Variants in GJA8 observed in about 807,000 individuals in gnomAD.
GJA8 encodes the protein gap junction protein alpha 8.
In GJA8, 13 loss-of-function variants were observed where a neutral mutation model predicts 15.3. That is an observed-to-expected ratio of 0.85 (90% confidence interval 0.55 to 1.35). The LOEUF is 1.35. GJA8 is among the 40% of genes most tolerant of loss of function. GJA8 has a pLI of 0.00. For synonymous variants in GJA8, 304 were observed against 238.7 expected (o/e 1.27, Z -2.52); for missense variants, 607 against 553.3 (o/e 1.10, Z -0.97).
intron 1 of GJA8, among the ~76,000 whole-genome samples, chr1:147,904,978 T>C (rs1287651789): frequency 2.0e-5 from 3 of 152,234 alleles, no homozygotes; most frequent in Non-Finnish European, 4.4e-5. Flanking sequence ...ACATGTATCA[T>C]GACACTCTTG....
In GJA8 at chr1:147,908,465, C is replaced by G. The variant is rs1553242715; in HGVS notation, c.510C>G (p.Tyr170Ter). Residue 170 changes from tyrosine (Y) to a stop codon, truncating the protein, a stop_gained, in exon 2 of 2, where the codon TAC becomes TAG. Transcript: ENST00000369235. LOFTEE classifies it high-confidence loss of function. Reference sequence around the variant, plus strand: ...AAGTGGGCTTCATCGTGGGCCACTACTTCCTGTACGGGTTCCGGATCCTGC... The same window carrying G: ...AAGTGGGCTTCATCGTGGGCCACTAGTTCCTGTACGGGTTCCGGATCCTGC... ...LFEVGFIVGH[Y>*]FLYGFRILPL... 6.2e-7 allele frequency: 1 copy of G among 1,614,238 alleles called. No homozygotes were observed. The highest frequency in any genetic ancestry group is 1.1e-5 in the South Asian group (1 of 91,086).
In GJA8 at chr1:147,908,457, G is replaced by T; in HGVS notation, c.502G>T (p.Gly168Cys). 2 of 1,614,166 alleles carry T rather than the reference G, an allele frequency of 1.2e-6. No homozygotes were observed. The highest frequency in any genetic ancestry group is 1.7e-6 in the Non-Finnish European group (2 of 1,180,024). Residue 168 changes from glycine (G) to cysteine (C), a missense_variant, in exon 2 of 2, where the codon GGC becomes TGC. Physicochemically the swap from Gly to Cys is radical, Grantham distance 159. Coordinates refer to ENST00000369235, the MANE Select transcript of GJA8 (RefSeq NM_005267.5). ...KTLFEVGFIV[G>C]HYFLYGFRIL... Reference sequence around the variant, plus strand: ...CCTCTTTGAAGTGGGCTTCATCGTGGGCCACTACTTCCTGTACGGGTTCCG... The same window carrying T: ...CCTCTTTGAAGTGGGCTTCATCGTGTGCCACTACTTCCTGTACGGGTTCCG...
chr1:147,908,322 G>T lies in GJA8; in HGVS notation c.367G>T (p.Gly123Cys), dbSNP rs142026480. The T allele has an allele frequency of 9.3e-6, 15 of 1,614,064 alleles. No homozygotes were observed. In the African/African-American group the frequency reaches 1.7e-4, roughly 19 times the overall value. ...ELGQQAGTNG[G>C]PDQGSVKKSS... ...GGGCCAGCAGGCGGGGACTAACGGC[G>T]GCCCGGACCAGGGCAGCGTCAAGAA... Residue 123 changes from glycine (G) to cysteine (C), a missense_variant, in exon 2 of 2, where the codon GGC (glycine) becomes TGC (cysteine). By Grantham distance (159) the Gly-to-Cys change is radical (BLOSUM62 -3). Coordinates refer to ENST00000369235, the MANE Select transcript of GJA8 (RefSeq NM_005267.5).
At chr1:147,911,213 G>C (rs981250213), downstream of GJA8, among the ~76,000 whole-genome samples, 1 of 152,118 alleles carries the variant, frequency 6.6e-6, no homozygotes, top group Admixed American at 6.5e-5. Context: ...TCCCAACCCC[G>C]ATCAGCATCA....
downstream of GJA8, chr1:147,909,269 AG>A (rs371270280): frequency 6.0e-5 from 82 of 1,358,984 alleles, no homozygotes; most frequent in South Asian, 1.9e-4. Context: ...GTGACGCCAA[AG>A]AAAAAAAAAA....
At chr1:147,909,759 G>C (rs1258471038), downstream of GJA8, among the ~76,000 whole-genome samples, 1 of 152,228 alleles carries the variant, frequency 6.6e-6, no homozygotes, top group Non-Finnish European at 1.5e-5. Context: ...GCAAGGGAGA[G>C]AATGGGGCTG....
At chr1:147,909,280 A>AC, downstream of GJA8, 1 of 1,530,960 alleles carries the variant, frequency 6.5e-7, no homozygotes, top group Non-Finnish European at 9.0e-7. Context: ...GAAAAAAAAA[A>AC]AAACGCCCAA....
At position 147,908,585 on chromosome 1, in the gene GJA8, G is replaced by A; in HGVS notation, c.630G>A (p.Leu210=). ...TEKTIFILFM[L]SVASVSLFLN... is the part of the protein sequence containing the mutation. ...AAACCATCTTCATCCTGTTCATGTT[G>A]TCTGTGGCCTCTGTGTCCCTATTCC... The change falls in exon 2 of 2, where the codon TTG becomes TTA. Residue 210 remains leucine (L), a synonymous_variant. Coordinates refer to ENST00000369235, the MANE Select transcript of GJA8 (RefSeq NM_005267.5). The A allele has an allele frequency of 6.2e-7, 1 of 1,614,142 alleles. No individual in the cohort carries two copies. Among genetic ancestry groups the A allele is most frequent in the Non-Finnish European group, 8.5e-7 (1 of 1,180,036 alleles).
In GJA8 at chr1:147,909,212, A is replaced by T. The variant is rs781842967; in HGVS notation, c.1257A>T (p.Leu419=). Residue 419 remains leucine (L), a synonymous_variant, in exon 2 of 2, where the codon CTA becomes CTT. Coordinates refer to ENST00000369235, the MANE Select transcript of GJA8 (RefSeq NM_005267.5). ...TTDDARPLSR[L]SKASSRARSD... is the part of the protein sequence containing the mutation. ...ATGATGCCAGACCCCTGAGCAGGCT[A>T]AGCAAAGCCAGCAGCCGAGCCAGGT... 3 of 1,613,300 alleles carry T rather than the reference A, an allele frequency of 1.9e-6. No homozygotes were observed. Among genetic ancestry groups the T allele is most frequent in the Admixed American group, 1.7e-5 (1 of 59,992 alleles).
intron 1 of GJA8, among the ~76,000 whole-genome samples, chr1:147,905,892 T>G (rs1553242236): frequency 6.6e-6 from 1 of 152,220 alleles, no homozygotes; most frequent in Non-Finnish European, 1.5e-5. Context: ...CTGCTGTCAC[T>G]TTTTCAGGAG....
At position 147,908,582 on chromosome 1, in the gene GJA8, G is replaced by A; in HGVS notation, c.627G>A (p.Met209Ile). The change falls in exon 2 of 2, where the codon ATG (methionine) becomes ATA (isoleucine). Residue 209 changes from methionine (M) to isoleucine (I), a missense_variant. Transcript: ENST00000369235. ...AGAAAACCATCTTCATCCTGTTCAT[G>A]TTGTCTGTGGCCTCTGTGTCCCTAT... ...PTEKTIFILF[M>I]LSVASVSLFL... 6.2e-7 allele frequency: 1 copy of A among 1,614,144 alleles called. No homozygotes were observed. The highest frequency in any genetic ancestry group is 1.1e-5 in the South Asian group (1 of 91,072).
At chr1:147,912,912 AAAAG>A (rs1218328445), downstream of GJA8, among the ~76,000 whole-genome samples, 6 of 149,754 alleles carry the variant, frequency 4.0e-5, no homozygotes, top group South Asian at 2.1e-4. Flanking sequence ...AAAAAAAAAA[AAAAG>A]AAAGAAAAGA....
rs782579752 is a variant in GJA8, at chr1:147,908,620, T to C, written c.665T>C (p.Met222Thr). 24 of 1,613,934 alleles carry C rather than the reference T, an allele frequency of 1.5e-5. No homozygotes were observed. The highest frequency in any genetic ancestry group is 1.7e-6 in the Non-Finnish European group (2 of 1,180,016). Residue 222 changes from methionine (M) to threonine (T), a missense_variant, in exon 2 of 2, where the codon ATG becomes ACG. Transcript: ENST00000369235. Reference protein sequence around the residue: ...VASVSLFLNVMELGHLGLKGI... With the variant: ...VASVSLFLNVTELGHLGLKGI... ...TCTGTGTCCCTATTCCTCAACGTGATGGAGTTGGGCCACCTGGGCCTGAAG... is the reference window on the plus strand; with the variant it reads ...TCTGTGTCCCTATTCCTCAACGTGACGGAGTTGGGCCACCTGGGCCTGAAG...
At chr1:147,913,767 A>G (rs113389036), downstream of GJA8, among the ~76,000 whole-genome samples, 8 of 152,268 alleles carry the variant, frequency 5.3e-5, 2 homozygotes, top group African/African-American at 1.9e-4. Context: ...TTTACCCTCT[A>G]TGCATACTGT....
chr1:147,911,339 G>A (rs782221679), downstream of GJA8, among the ~76,000 whole-genome samples: 20 of 152,072 alleles, frequency 1.3e-4, no homozygotes, highest in Admixed American at 3.3e-4. Context: ...CCTCCCCCTT[G>A]ACAAAATTTC....
chr1:147,911,364 C>T (rs1471236913), downstream of GJA8, among the ~76,000 whole-genome samples: 5 of 152,116 alleles, frequency 3.3e-5, no homozygotes, highest in Admixed American at 3.3e-4. Context: ...CCTTGGTGAC[C>T]CATTCTAAAG....
rs145146702 is a variant in GJA8 at position 147,909,059 on chromosome 1, G to C, written c.1104G>C (p.Glu368Asp). 2 of 1,603,812 alleles carry C rather than the reference G, an allele frequency of 1.2e-6. No homozygotes were observed. The highest frequency in any genetic ancestry group is 1.7e-6 in the Non-Finnish European group (2 of 1,174,932). The change falls in exon 2 of 2, where the codon GAG (glutamate) becomes GAC (aspartate). Residue 368 changes from glutamate (E) to aspartate (D), a missense_variant. By Grantham distance (45) the Glu-to-Asp change is conservative (BLOSUM62 2). Transcript: ENST00000369235. ...AGCAGGAGAAGGTGGCCGTGCCAGA[G>C]GGGGAGAAAGTAGAGACCCCCGGAG... ...TEEQEKVAVP[E>D]GEKVETPGVD... is the part of the protein sequence containing the mutation.
chr1:147,902,943 G>C (rs1456351698), intron 1 of GJA8, among the ~76,000 whole-genome samples, 82 bp downstream of exon 1: 1 of 152,140 alleles, frequency 6.6e-6, no homozygotes, highest in Non-Finnish European at 1.5e-5. Flanking sequence ...CCATATATAG[G>C]CTTCTCCAAA....
chr1:147,903,493 A>G (rs1431695479), intron 1 of GJA8, among the ~76,000 whole-genome samples: 1 of 152,184 alleles, frequency 6.6e-6, no homozygotes, highest in East Asian at 1.9e-4. Context: ...ATAACTTATT[A>G]ATGGATGTAT....
Sources: gnomAD v4.1 joint callset for allele counts (sites outside exome capture counted in the v4.1 genomes callset) on GRCh38, gnomAD v4.1.1 for gene constraint, MANE v1.5 for transcripts, NCBI Gene and HGNC (gene_info 2026-07-23, HGNC 2026-07-21) for gene names.